The following CUL3 variants were observed in gnomAD, a reference collection of about 807,000 sequenced individuals.
CUL3 encodes cullin-3.
Under a neutral mutation model 89.1 loss-of-function variants are expected in CUL3, and 19 were observed. That is an observed-to-expected ratio of 0.21 (90% CI 0.15 to 0.31). The LOEUF (loss-of-function observed/expected upper bound fraction) is 0.31, where lower values mean the gene tolerates loss of function less well. CUL3 is among the 10% of genes least tolerant of loss of function. The pLI is 1.00. For missense variants in CUL3, 469 were observed against 942.3 expected, an observed-to-expected ratio of 0.50 and a Z score of 6.58; for synonymous variants, 351 against 308.4, an observed-to-expected ratio of 1.14 and a Z score of -1.45.
rs185186023 is a variant in CUL3, at chr2:224,472,237, C to A, written c.*2008G>T. 2.4e-4 allele frequency: 53 copies of A among 221,096 alleles called. No individual in the cohort carries two copies. In the East Asian group the frequency reaches 3.5e-3, roughly 15 times the overall value. The allele number at this position is 221,096 out of a possible 1,614,324, so 13.7% of individuals were successfully genotyped here. ...TCTAGATCTGATTTTTACAGCCACA[C>A]TTGAGACAATGACGTAAACTTAAAC... On this transcript the variant is annotated 3_prime_UTR_variant, in exon 16 of 16. Coordinates refer to ENST00000264414, the MANE Select transcript of CUL3 (RefSeq NM_003590.5).
At chr2:224,571,450 T>C (rs1157387855) in intron 1 of CUL3, among the ~76,000 whole-genome samples, 2 of 152,048 alleles carry the variant, frequency 1.3e-5, no homozygotes, top group Non-Finnish European at 2.9e-5. Context: ...CAATGACAAA[T>C]TGATTGTACC....
chr2:224,560,916 G>GCACT (rs1694881292), intron 1 of CUL3, among the ~76,000 whole-genome samples: 1 of 152,146 alleles, frequency 6.6e-6, no homozygotes, highest in East Asian at 1.9e-4. Context: ...TCTGCTCCAT[G>GCACT]CACTCCCTGG....
In CUL3 at chr2:224,585,173, C is replaced by T. The variant is rs976122641; in HGVS notation, c.-164G>A. 1.9e-5 allele frequency: 5 copies of T among 258,574 alleles called. No individual in the cohort carries two copies. The highest frequency in any genetic ancestry group is 2.8e-5 in the African/African-American group (1 of 35,214). The allele number at this position is 258,574 out of a possible 1,614,324, so 16.0% of individuals were successfully genotyped here. On this transcript the variant is annotated 5_prime_UTR_variant, in exon 1 of 16. Transcript: ENST00000264414. ...GGCCCCTGGGCAGCCGCGGCGGCGGCGGGGGCGGCGGCGGCGGCGGCGGCG... is the reference window on the plus strand; with the variant it reads ...GGCCCCTGGGCAGCCGCGGCGGCGGTGGGGGCGGCGGCGGCGGCGGCGGCG...
intron 10 of CUL3, among the ~76,000 whole-genome samples, chr2:224,500,973 T>C (rs1008769579): frequency 2.0e-5 from 3 of 152,164 alleles, no homozygotes; most frequent in Admixed American, 6.5e-5. Flanking sequence ...TTCCCAAATT[T>C]TAACTACATG....
At chr2:224,582,289 T>G (rs1321396122) in intron 1 of CUL3, among the ~76,000 whole-genome samples, 1 of 152,132 alleles carries the variant, frequency 6.6e-6, no homozygotes, top group South Asian at 2.1e-4. Context: ...TACGGAACAC[T>G]AGGTATTAAC....
chr2:224,539,986 TAC>T (rs1372586797), intron 2 of CUL3, among the ~76,000 whole-genome samples: 1 of 143,702 alleles, frequency 7.0e-6, no homozygotes, highest in Non-Finnish European at 1.5e-5. Context: ...TGGATGTGCA[TAC>T]AGGGGGGGAG....
intron 5 of CUL3, among the ~76,000 whole-genome samples, chr2:224,513,003 G>A (rs913369350): frequency 2.6e-5 from 4 of 152,086 alleles, no homozygotes; most frequent in Non-Finnish European, 5.9e-5. Context: ...ATGAAGGCGA[G>A]GATGAAGACC....
chr2:224,485,409 CA>C lies in CUL3; in HGVS notation c.1843-3332del, dbSNP rs1691678958. 6.6e-6 allele frequency: 1 copy of C among 152,322 alleles called. No individual in the cohort carries two copies. Among genetic ancestry groups the C allele is most frequent in the African/African-American group, 2.4e-5 (1 of 41,438 alleles). The allele number at this position is 152,322 out of a possible 1,614,324, so 9.4% of individuals were successfully genotyped here. Reference sequence around the variant, plus strand: ...CACTGCCAGCACAGCAGTCTGAAGTCAACCTGGGACACTCAAGCTTGGTGGG... The same window carrying C: ...CACTGCCAGCACAGCAGTCTGAAGTCACCTGGGACACTCAAGCTTGGTGGG... On this transcript the variant is annotated intron_variant, in intron 13 of 15. Coordinates refer to ENST00000264414, the MANE Select transcript of CUL3 (RefSeq NM_003590.5). This position sits in a 1 kb window ranked among gnomAD's most constrained non-coding sequence, Gnocchi z 4.1.
chr2:224,503,499 G>T (rs189959992), intron 9 of CUL3, among the ~76,000 whole-genome samples, 153 bp downstream of exon 9: 1 of 152,140 alleles, frequency 6.6e-6, no homozygotes, highest in African/African-American at 2.4e-5. Context: ...ACAAATGTTA[G>T]TGTAGTCTGT....
chr2:224,497,994 A>C lies in CUL3; in HGVS notation c.1611-145T>G, dbSNP rs532225239. The C allele has an allele frequency of 4.7e-6, 3 of 640,902 alleles. No homozygotes were observed. In the African/African-American group the frequency reaches 5.5e-5, roughly 12 times the overall value. The allele number at this position is 640,902 out of a possible 1,614,324, so 39.7% of individuals were successfully genotyped here. On this transcript the variant is annotated intron_variant, in intron 11 of 15. Transcript: ENST00000264414. Reference sequence around the variant, plus strand: ...AACTTAAAGGAAACTTTAGGAATCAAGTTCAGTTTCAACTTTCTATAGGCA... The same window carrying C: ...AACTTAAAGGAAACTTTAGGAATCACGTTCAGTTTCAACTTTCTATAGGCA...
At chr2:224,584,487 G>A (rs576345101) in intron 1 of CUL3, among the ~76,000 whole-genome samples, 5 of 152,164 alleles carry the variant, frequency 3.3e-5, no homozygotes, top group East Asian at 1.9e-4. Flanking sequence ...AGAGAGAGAG[G>A]GCAGCCCCTT....
chr2:224,521,073 C>CA (rs1270398208), intron 3 of CUL3, among the ~76,000 whole-genome samples: 6 of 151,878 alleles, frequency 4.0e-5, no homozygotes, highest in Admixed American at 3.9e-4. Context: ...AAATTAAGTC[C>CA]AAAAAACAAC....
intron 1 of CUL3, among the ~76,000 whole-genome samples, chr2:224,584,308 G>T (rs1302197615): frequency 6.6e-6 from 1 of 152,144 alleles, no homozygotes; most frequent in East Asian, 1.9e-4. Context: ...CCTCCGAGTG[G>T]CGAGGCAATC....
intron 2 of CUL3, among the ~76,000 whole-genome samples, chr2:224,543,172 AAC>A (rs1694179002): frequency 6.6e-6 from 1 of 152,214 alleles, no homozygotes; most frequent in African/African-American, 2.4e-5. Context: ...TTGAAACTAA[AAC>A]AGAGTCACAT....
chr2:224,539,116 C>A (rs10167124), intron 2 of CUL3, among the ~76,000 whole-genome samples: 30,905 of 152,080 alleles, frequency 0.2, 3,422 homozygotes, highest in African/African-American at 0.24. Flanking sequence ...ATAAAGAATT[C>A]TTAAAACTTA....
In CUL3 at chr2:224,584,947, A is replaced by G. The variant is rs1159864439; in HGVS notation, c.63T>C (p.Phe21=). 2 of 1,489,924 alleles carry G rather than the reference A, an allele frequency of 1.3e-6. No individual in the cohort carries two copies. 92.3% of individuals were successfully genotyped at this position (1,489,924 alleles called of 1,614,324 possible). Residue 21 remains phenylalanine (F), a synonymous_variant, in exon 1 of 16, where the codon TTT becomes TTC. Transcript: ENST00000264414. Reference sequence around the variant, plus strand: ...CGGACGCCGAGGAGAGACTCACCGGAAAGGCCCGGATCCGCATCTTGGTGT... The same window carrying G: ...CGGACGCCGAGGAGAGACTCACCGGGAAGGCCCGGATCCGCATCTTGGTGT... ...RKDTKMRIRA[F]PMTMDEKYVN...
In CUL3 at chr2:224,569,796, G is replaced by C. The variant is rs1695139576; in HGVS notation, c.67-11940C>G. The C allele has an allele frequency of 4.3e-6, 5 of 1,151,750 alleles. No individual in the cohort carries two copies. The South Asian group carries it at 8.5e-5, about 20-fold the overall frequency. 71.3% of individuals were successfully genotyped at this position (1,151,750 alleles called of 1,614,324 possible). A position where few individuals can be genotyped will look rare whatever the true frequency, so the allele number is the denominator to read the frequency against. The stretch of plus-strand genomic sequence containing the variant: ...ATCTACTACATACAAAGGACAAGAA[G>C]TCTTTAGTCCTCTGTGAATAATTTT... On this transcript the variant is annotated intron_variant, in intron 1 of 15. Transcript: ENST00000264414.
chr2:224,530,580 T>C (rs978085919), intron 3 of CUL3, among the ~76,000 whole-genome samples: 1 of 152,252 alleles, frequency 6.6e-6, no homozygotes, highest in Admixed American at 6.5e-5. Context: ...CTTTAGTTCA[T>C]TTCAACATAC....
At chr2:224,544,206 A>G (rs1037360299) in intron 2 of CUL3, among the ~76,000 whole-genome samples, 1 of 152,204 alleles carries the variant, frequency 6.6e-6, no homozygotes, top group African/African-American at 2.4e-5. Flanking sequence ...ACCACTGCAG[A>G]AAAGACTTCA....
Sources: allele counts gnomAD v4.1 joint callset (sites outside exome capture counted in the v4.1 genomes callset), GRCh38; gene constraint gnomAD v4.1.1; non-coding constraint Gnocchi (gnomAD v3.1); transcripts MANE v1.5; gene names NCBI Gene and HGNC (gene_info 2026-07-23, HGNC 2026-07-21).